PHLDB1: variants seen among roughly 807,000 people sequenced by gnomAD.
PHLDB1 encodes pleckstrin homology-like domain family B member 1.
PHLDB1 carries 65 observed loss-of-function variants against 139.3 expected under a neutral mutation model. The observed-to-expected ratio is 0.47, with a 90% CI of 0.38 to 0.57. PHLDB1 has a LOEUF of 0.57. PHLDB1 is among the 20% of genes least tolerant of loss of function. The probability of loss-of-function intolerance (pLI) is 0.00; values close to 1 mark genes in which losing one functional copy is unlikely to be tolerated. For missense variants in PHLDB1, 1,624 were observed against 1,839.7 expected (o/e 0.88, Z 2.14); for synonymous variants, 679 against 734.5 (o/e 0.92, Z 1.22).
chr11:118,649,671 C>T (rs1948077676), intron 18 of PHLDB1, among the ~76,000 whole-genome samples: 2 of 152,026 alleles, frequency 1.3e-5, no homozygotes, highest in Admixed American at 1.3e-4. Context: ...GAAACTGAGG[C>T]CCAGAGAAGG....
chr11:118,609,965 C>A (rs1939845281), intron 1 of PHLDB1, among the ~76,000 whole-genome samples: 2 of 152,040 alleles, frequency 1.3e-5, no homozygotes, highest in African/African-American at 4.8e-5. Context: ...TCCTCTCTTC[C>A]GCCTTTGGGG....
intron 13 of PHLDB1, chr11:118,643,582 C>T (rs895669276): frequency 3.0e-6 from 3 of 985,210 alleles, no homozygotes; most frequent in Admixed American, 6.1e-5. Flanking sequence ...CAGGGTTGGG[C>T]TAGGGATTGG....
chr11:118,632,107 G>A lies in PHLDB1; in HGVS notation c.2242-52G>A. ...TTCCCTAGGCCAACTGAAGGCCCCA[G>A]AGAGGGGCCACAGTCAGCTGCTTTG... On this transcript the variant is annotated intron_variant, in intron 8 of 22. Transcript: ENST00000600882. This position sits in a 1 kb window ranked among gnomAD's most constrained non-coding sequence, Gnocchi z 5.9. 2.5e-6 allele frequency: 4 copies of A among 1,613,746 alleles called. No individual in the cohort carries two copies. The highest frequency in any genetic ancestry group is 3.4e-6 in the Non-Finnish European group (4 of 1,179,734).
chr11:118,650,851 CA>C lies in PHLDB1; in HGVS notation c.3874+305del. The C allele has an allele frequency of 1.3e-5, 5 of 396,398 alleles. No homozygotes were observed. Among genetic ancestry groups the C allele is most frequent in the South Asian group, 5.6e-5 (2 of 35,432 alleles). The allele number at this position is 396,398 out of a possible 1,614,324, so 24.6% of individuals were successfully genotyped here. A position where few individuals can be genotyped will look rare whatever the true frequency, so the allele number is the denominator to read the frequency against. On this transcript the variant is annotated intron_variant, in intron 20 of 22. Coordinates refer to ENST00000600882, the MANE Select transcript of PHLDB1 (RefSeq NM_001144758.3). This position sits in a 1 kb window ranked among gnomAD's most constrained non-coding sequence, Gnocchi z 4.7. ...CTCATGGAGCTTATAATCAGGGAAG[CA>C]GACAAGAGTGATAACCACGCACAAT... is the stretch of plus-strand genomic sequence containing the variant.
At chr11:118,623,337 A>T (rs1943186826) in intron 4 of PHLDB1, among the ~76,000 whole-genome samples, 1 of 152,216 alleles carries the variant, frequency 6.6e-6, no homozygotes, top group Non-Finnish European at 1.5e-5. Context: ...GTAGCCCTCC[A>T]GCACCTGGTG....
chr11:118,639,707 G>T, intron 12 of PHLDB1: 1 of 294,186 alleles, frequency 3.4e-6, no homozygotes, highest in Non-Finnish European at 5.3e-6. Context: ...CTGTATGTCT[G>T]GTGTGTGAAT....
chr11:118,635,697 TA>T, intron 10 of PHLDB1, 149 bp downstream of exon 10: 1 of 696,636 alleles, frequency 1.4e-6, no homozygotes, highest in Non-Finnish European at 2.3e-6. Flanking sequence ...TTGTGAGAAT[TA>T]AACAAGATGT....
At chr11:118,648,267 AG>A (rs1947834392) in intron 18 of PHLDB1, among the ~76,000 whole-genome samples, 191 bp downstream of exon 18, 1 of 135,988 alleles carries the variant, frequency 7.4e-6, no homozygotes, top group African/African-American at 2.9e-5. Context: ...GGACTATTCA[AG>A]TTGTGTGTGT....
intron 12 of PHLDB1, 195 bp from the exon 13 acceptor site, chr11:118,642,059 C>G: frequency 9.9e-5 from 59 of 594,510 alleles, no homozygotes; most frequent in Non-Finnish European, 1.0e-4. Flanking sequence ...TCCTTTCTCC[C>G]TTCCTTCCTC....
At chr11:118,616,350 T>C in intron 4 of PHLDB1, 139 bp downstream of exon 4, 1 of 700,936 alleles carries the variant, frequency 1.4e-6, no homozygotes, top group Non-Finnish European at 2.4e-6. Flanking sequence ...CAGGTGCATC[T>C]GGATGTGCCT....
Position 118,628,341 on chromosome 11 carries a change from C to A in PHLDB1, c.1518C>A (p.Ser506=). The A allele has an allele frequency of 6.2e-7, 1 of 1,612,410 alleles. No homozygotes were observed. Among genetic ancestry groups the A allele is most frequent in the East Asian group, 2.2e-5 (1 of 44,826 alleles). The change falls in exon 6 of 23, where the codon TCC becomes TCA. Residue 506 remains serine (S), a synonymous_variant. Coordinates refer to ENST00000600882, the MANE Select transcript of PHLDB1 (RefSeq NM_001144758.3). ...AAHGASPEDF[S]LTLGARGRRT... ...ATGGGGCTTCACCAGAGGACTTCTC[C>A]CTGACGCTGGGGGCACGGGGCCGTA...
At chr11:118,640,003 A>C in intron 12 of PHLDB1, 1 of 986,014 alleles carries the variant, frequency 1.0e-6, no homozygotes, top group Non-Finnish European at 1.2e-6. Context: ...AAAGCACAAG[A>C]GGTAATCACA....
chr11:118,613,728 T>A (rs1344065789), intron 1 of PHLDB1, 88 bp from the exon 2 acceptor site: 1 of 768,606 alleles, frequency 1.3e-6, no homozygotes, highest in Non-Finnish European at 2.2e-6. Flanking sequence ...TGGTGACACC[T>A]CTGCCCTGAG....
intron 18 of PHLDB1, among the ~76,000 whole-genome samples, chr11:118,648,313 G>A (rs1008507675): frequency 7.0e-6 from 1 of 141,958 alleles, no homozygotes. Context: ...GTGTGTGTGT[G>A]TGTGTGTGTG....
chr11:118,624,590 CTTTTTTTTTTTTT>C (rs67582556), intron 4 of PHLDB1: 35 of 133,206 alleles, frequency 2.6e-4, no homozygotes, highest in East Asian at 7.8e-4. Flanking sequence ...TTCTTCCTTT[CTTTTTTTTTTTTT>C]TTTTTTTTTT....
intron 18 of PHLDB1, among the ~76,000 whole-genome samples, 181 bp from the exon 19 acceptor site, chr11:118,649,896 G>A (rs1320633206): frequency 6.6e-6 from 1 of 152,230 alleles, no homozygotes; most frequent in Non-Finnish European, 1.5e-5. Flanking sequence ...CCTAGGTAGA[G>A]TCAACATAGG....
chr11:118,648,844 G>A (rs1455410212), intron 18 of PHLDB1, among the ~76,000 whole-genome samples: 2 of 152,136 alleles, frequency 1.3e-5, no homozygotes, highest in African/African-American at 4.8e-5. Flanking sequence ...GACTTAGATA[G>A]CCTGTCCCTT....
At chr11:118,609,499 GCTCACACATGCAGCCCC>G (rs1344497782) in intron 1 of PHLDB1, among the ~76,000 whole-genome samples, 1 of 142,178 alleles carries the variant, frequency 7.0e-6, no homozygotes, top group Non-Finnish European at 1.5e-5. Context: ...ACGCAGCCCA[GCTCACACATGCAGCCCC>G]CTCACACATG....
chr11:118,614,840 G>C (rs1386327594), intron 3 of PHLDB1, 158 bp downstream of exon 3: 1 of 648,852 alleles, frequency 1.5e-6, no homozygotes, highest in African/African-American at 1.8e-5. Flanking sequence ...TGCCTCCCCA[G>C]ACTGCCTGCC....
Sources: gnomAD v4.1 joint callset for allele counts (sites outside exome capture counted in the v4.1 genomes callset) on GRCh38, gnomAD v4.1.1 for gene constraint, Gnocchi (gnomAD v3.1) non-coding constraint, MANE v1.5 for transcripts, NCBI Gene and HGNC (gene_info 2026-07-23, HGNC 2026-07-21) for gene names.